ZFAND3: variants seen among roughly 807,000 people sequenced by gnomAD.
The protein encoded by ZFAND3 is zinc finger AN1-type containing 3, also known as AN1-type zinc finger protein 3.
Under a neutral mutation model 29.6 loss-of-function variants are expected in ZFAND3, and 10 were observed. The observed-to-expected ratio is 0.34, with a 90% CI of 0.21 to 0.57. The LOEUF (loss-of-function observed/expected upper bound fraction) is 0.57. Ranked by LOEUF, ZFAND3 falls within the 20% of genes least tolerant of loss-of-function variation. The pLI is 0.86. For missense variants in ZFAND3, 230 were observed against 304.5 expected (o/e 0.76, Z 1.82); for synonymous variants, 128 against 112.6 (o/e 1.14, Z -0.87).
At chr6:38,030,631 T>C (rs1273419172) in intron 2 of ZFAND3, among the ~76,000 whole-genome samples, 1 of 152,012 alleles carries the variant, frequency 6.6e-6, no homozygotes, top group Non-Finnish European at 1.5e-5. Context: ...GAAGACATCT[T>C]TAAAAGGGGA....
chr6:38,052,076 A>G (rs1447513116), intron 2 of ZFAND3, among the ~76,000 whole-genome samples: 1 of 152,230 alleles, frequency 6.6e-6, no homozygotes, highest in Non-Finnish European at 1.5e-5. Flanking sequence ...ACTAGATTAT[A>G]AAGTAAGTTT....
At chr6:37,842,212 T>C (rs1018827553) in intron 1 of ZFAND3, among the ~76,000 whole-genome samples, 1 of 152,208 alleles carries the variant, frequency 6.6e-6, no homozygotes, top group Non-Finnish European at 1.5e-5. Context: ...ACATTGAGAC[T>C]GTGGTACTCT....
chr6:38,146,844 GT>G, intron 5 of ZFAND3, among the ~76,000 whole-genome samples: 1 of 152,236 alleles, frequency 6.6e-6, no homozygotes, highest in Admixed American at 6.5e-5. Context: ...CTGTTGAAAT[GT>G]TTTTAAAATT....
intron 3 of ZFAND3, among the ~76,000 whole-genome samples, chr6:38,071,705 A>G (rs973558943): frequency 6.6e-6 from 1 of 152,106 alleles, no homozygotes; most frequent in Admixed American, 6.6e-5. Context: ...TATTTATTCA[A>G]ACCTTCTTCT....
chr6:38,105,392 A>AT (rs1765187814), intron 4 of ZFAND3, among the ~76,000 whole-genome samples: 1 of 152,180 alleles, frequency 6.6e-6, no homozygotes, highest in African/African-American at 2.4e-5. Flanking sequence ...GTAACAGAGC[A>AT]AGACCCAGTC....
At chr6:38,105,275 G>A (rs1245166535) in intron 4 of ZFAND3, among the ~76,000 whole-genome samples, 2 of 152,046 alleles carry the variant, frequency 1.3e-5, no homozygotes, top group Non-Finnish European at 2.9e-5. Context: ...GGCATGGTGG[G>A]TCATGCCTGT....
intron 2 of ZFAND3, among the ~76,000 whole-genome samples, chr6:37,950,363 A>AGCT (rs200876023): frequency 0.98 from 147,201 of 150,806 alleles, 71,958 homozygotes; most frequent in South Asian, 1. Flanking sequence ...TTTTCCATTA[A>AGCT]TGTTTTTGTT....
intron 1 of ZFAND3, among the ~76,000 whole-genome samples, chr6:37,855,852 T>TATAAA (rs2127381446): frequency 6.6e-6 from 1 of 152,312 alleles, no homozygotes; most frequent in South Asian, 2.1e-4. Flanking sequence ...ATAGAAACTT[T>TATAAA]ATAAAATAAC....
Position 37,969,054 on chromosome 6 carries a change from C to G in ZFAND3, c.112+39055C>G, listed in dbSNP as rs115157383. ...CTAGGCTATATGGTATAGGCTATTGCTCCTAGTCTACAAACCTGTGCAGCA... is the reference window on the plus strand; with the variant it reads ...CTAGGCTATATGGTATAGGCTATTGGTCCTAGTCTACAAACCTGTGCAGCA... On this transcript the variant is annotated intron_variant, in intron 2 of 5. Transcript: ENST00000287218. Among the ~76,000 whole-genome samples the G allele has an allele frequency of 7.6e-3, 1,153 of 152,288 alleles. 11 individuals carry two copies. Among genetic ancestry groups the G allele is most frequent in the African/African-American group, 0.026 (1,072 of 41,538 alleles).
intron 4 of ZFAND3, among the ~76,000 whole-genome samples, chr6:38,106,827 T>C (rs1765220141): frequency 6.6e-6 from 1 of 152,214 alleles, no homozygotes; most frequent in Non-Finnish European, 1.5e-5. Context: ...ACTTATGAAA[T>C]AATGAATGAG....
chr6:38,046,904 A>C (rs777938052), intron 2 of ZFAND3, among the ~76,000 whole-genome samples: 1 of 152,146 alleles, frequency 6.6e-6, no homozygotes, highest in Non-Finnish European at 1.5e-5. Context: ...AATTTAGTAC[A>C]GCCTGGTAGA....
intron 2 of ZFAND3, among the ~76,000 whole-genome samples, chr6:38,059,655 A>G (rs1333705846): frequency 5.3e-5 from 8 of 152,164 alleles, no homozygotes; most frequent in Admixed American, 5.2e-4. Flanking sequence ...AGGCGGGCAG[A>G]TCACCTGAGG....
At chr6:38,019,812 C>T (rs1291816188) in intron 2 of ZFAND3, among the ~76,000 whole-genome samples, 1 of 152,194 alleles carries the variant, frequency 6.6e-6, no homozygotes, top group Non-Finnish European at 1.5e-5. Flanking sequence ...ACCTCTGCCT[C>T]CTGGGTTCAA....
chr6:37,952,776 T>G (rs1416875674), intron 2 of ZFAND3, among the ~76,000 whole-genome samples: 1 of 151,964 alleles, frequency 6.6e-6, no homozygotes, highest in Non-Finnish European at 1.5e-5. Context: ...CAAGTCCTGG[T>G]GCTCAGCAGC....
chr6:38,058,048 G>A (rs534871362), intron 2 of ZFAND3, among the ~76,000 whole-genome samples: 1 of 152,270 alleles, frequency 6.6e-6, no homozygotes, highest in East Asian at 1.9e-4. Context: ...TTTTTGAACT[G>A]CCAGTTCACA....
intron 1 of ZFAND3, among the ~76,000 whole-genome samples, chr6:37,828,878 C>T (rs940357745): frequency 6.6e-6 from 1 of 152,106 alleles, no homozygotes; most frequent in African/African-American, 2.4e-5. Context: ...TCTCAATCTC[C>T]TTACCTCGTG....
At chr6:37,829,573 T>G (rs1032577275) in intron 1 of ZFAND3, among the ~76,000 whole-genome samples, 3 of 152,166 alleles carry the variant, frequency 2.0e-5, no homozygotes, top group African/African-American at 7.2e-5. Flanking sequence ...AATGGAGAAG[T>G]GTTTTTGTAT....
intron 2 of ZFAND3, among the ~76,000 whole-genome samples, chr6:37,974,934 C>A (rs1439230472): frequency 1.3e-5 from 2 of 152,168 alleles, no homozygotes; most frequent in Non-Finnish European, 2.9e-5. Context: ...TAGATGTGTG[C>A]CACTATGTCT....
chr6:37,967,647 C>G (rs1762315879), intron 2 of ZFAND3, among the ~76,000 whole-genome samples: 1 of 152,198 alleles, frequency 6.6e-6, no homozygotes, highest in Non-Finnish European at 1.5e-5. Flanking sequence ...AGTTCCAACT[C>G]AATACCTCAG....
Sources: allele counts gnomAD v4.1 joint callset (sites outside exome capture counted in the v4.1 genomes callset), GRCh38; gene constraint gnomAD v4.1.1; transcripts MANE v1.5; gene names NCBI Gene and HGNC (gene_info 2026-07-23, HGNC 2026-07-21).